The following NRGN variants were observed in gnomAD, a reference collection of about 807,000 sequenced individuals.
NRGN encodes calmodulin-binding protein.
For synonymous variants in NRGN, 47 were observed against 52.8 expected (o/e 0.89, Z 0.47); for missense variants, 82 against 123.0 (o/e 0.67, Z 1.58).
Position 124,740,212 on chromosome 11 carries a change from C to A in NRGN, c.15+113C>A. 1 of 832,146 alleles carries A rather than the reference C, an allele frequency of 1.2e-6. No homozygotes were observed. The highest frequency in any genetic ancestry group is 1.6e-6 in the Non-Finnish European group (1 of 606,706). The allele number at this position is 832,146 out of a possible 1,614,324, so 51.5% of individuals were successfully genotyped here. A position where few individuals can be genotyped will look rare whatever the true frequency, so the allele number is the denominator to read the frequency against. ...GAAGTGGATGCGGAAGACCTAGGAG[C>A]AGAAAGAAAAGGGGTCCTTGCCGAG... is the stretch of plus-strand genomic sequence containing the variant. On this transcript the variant is annotated intron_variant, in intron 1 of 3. Coordinates refer to ENST00000284292, the MANE Select transcript of NRGN (RefSeq NM_006176.3). This position sits in a 1 kb window ranked among gnomAD's most constrained non-coding sequence, Gnocchi z 7.5.
chr11:124,742,040 C>T (rs1289379285), intron 1 of NRGN, among the ~76,000 whole-genome samples: 1 of 152,200 alleles, frequency 6.6e-6, no homozygotes, highest in Non-Finnish European at 1.5e-5. Context: ...TGCACAGGAG[C>T]CTTCCCAAGT....
rs906520068 is a variant in NRGN, at chr11:124,745,921, C to A, written c.*6-44C>A. The A allele has an allele frequency of 1.3e-5, 5 of 375,120 alleles. No individual in the cohort carries two copies. The South Asian group carries it at 4.5e-4, about 34-fold the overall frequency. 23.2% of individuals were successfully genotyped at this position (375,120 alleles called of 1,614,324 possible). ...GCGGATTCCAGGAGCTCACCTGTTT[C>A]TCCCTCTGCATCCTCCCTTCTGCCC... On this transcript the variant is annotated intron_variant, in intron 2 of 3. Coordinates refer to ENST00000284292, the MANE Select transcript of NRGN (RefSeq NM_006176.3). This position sits in a 1 kb window ranked among gnomAD's most constrained non-coding sequence, Gnocchi z 6.4.
chr11:124,744,103 C>T (rs1943990173), intron 1 of NRGN, among the ~76,000 whole-genome samples: 2 of 152,158 alleles, frequency 1.3e-5, no homozygotes, highest in Non-Finnish European at 2.9e-5. Flanking sequence ...TCAATCCCCT[C>T]ACGCCTTCTA....
rs545406334 is a variant in NRGN, at chr11:124,740,550, C to T, written c.15+451C>T. ...CAGGCTGATCCTCATGACCCTCCAA[C>T]GATCGCCTAAGCGCCCTGTGCAGCG... On this transcript the variant is annotated intron_variant, in intron 1 of 3. Transcript: ENST00000284292. The surrounding 1 kb of genome is among the most constrained non-coding windows in gnomAD (Gnocchi z 7.5). 2.0e-5 allele frequency among the ~76,000 whole-genome samples: 3 copies of T among 152,380 alleles called. No individual in the cohort carries two copies. In the East Asian group the frequency reaches 5.8e-4, roughly 29 times the overall value.
chr11:124,745,508 C>T lies in NRGN; in HGVS notation c.21C>T (p.Asn7=), dbSNP rs559809272. The change falls in exon 2 of 4, where the codon AAC becomes AAT. Residue 7 remains asparagine, a synonymous_variant. Transcript: ENST00000284292. This position sits in a 1 kb window ranked among gnomAD's most constrained non-coding sequence, Gnocchi z 6.4. ...CCCCCCTGCTTCGCCCCCAGGAGAA[C>T]GCCTGCTCCAAGCCGGACGACGACA... MDCCTE[N]ACSKPDDDIL... is the part of the protein sequence containing the mutation. 1.9e-6 allele frequency: 3 copies of T among 1,588,192 alleles called. No homozygotes were observed. The East Asian group carries it at 7.0e-5, about 37-fold the overall frequency.
rs898844435 is a variant in NRGN, at chr11:124,740,733, A to T, written c.15+634A>T. 4.6e-5 allele frequency among the ~76,000 whole-genome samples: 7 copies of T among 152,220 alleles called. No homozygotes were observed. Among genetic ancestry groups the T allele is most frequent in the Non-Finnish European group, 8.8e-5 (6 of 68,028 alleles). On this transcript the variant is annotated intron_variant, in intron 1 of 3. Coordinates refer to ENST00000284292, the MANE Select transcript of NRGN (RefSeq NM_006176.3). The surrounding 1 kb of genome is among the most constrained non-coding windows in gnomAD (Gnocchi z 7.5). ...GAGAGCCCTGCTGGCGAGGAAAGGAAGTGTCTGCAATTTGTCAGCGCCCAC... is the reference window on the plus strand; with the variant it reads ...GAGAGCCCTGCTGGCGAGGAAAGGATGTGTCTGCAATTTGTCAGCGCCCAC...
At position 124,745,990 on chromosome 11, in the gene NRGN, A is replaced by C; in HGVS notation, c.*23+8A>C. 6.5e-6 allele frequency: 2 copies of C among 309,952 alleles called. No individual in the cohort carries two copies. Among genetic ancestry groups the C allele is most frequent in the Non-Finnish European group, 5.9e-6 (1 of 169,116 alleles). The allele number at this position is 309,952 out of a possible 1,614,324, so 19.2% of individuals were successfully genotyped here. ...AACTGAGCATTTTCAAAGGTAATGA[A>C]CACGGCCCCTAGGCGGCGGGGTGGG... On this transcript the variant is annotated splice_region_variant and intron_variant, in intron 3 of 3. Coordinates refer to ENST00000284292, the MANE Select transcript of NRGN (RefSeq NM_006176.3). This position sits in a 1 kb window ranked among gnomAD's most constrained non-coding sequence, Gnocchi z 6.4.
chr11:124,745,140 C>T lies in NRGN; in HGVS notation c.16-363C>T, dbSNP rs76677201. ...TACCCTCTGAGAGCAGGGGGACAGG[C>T]GGCCACTCCAGGAGTGCCTGCTGCT... is the stretch of plus-strand genomic sequence containing the variant. On this transcript the variant is annotated intron_variant, in intron 1 of 3. Transcript: ENST00000284292. The surrounding 1 kb of genome is among the most constrained non-coding windows in gnomAD (Gnocchi z 6.4). Among the ~76,000 whole-genome samples, 1 of 152,030 alleles carries T rather than the reference C, an allele frequency of 6.6e-6. No homozygotes were observed. The highest frequency in any genetic ancestry group is 6.5e-5 in the Admixed American group (1 of 15,280).
chr11:124,741,682 T>TG (rs1943967075), intron 1 of NRGN, among the ~76,000 whole-genome samples: 1 of 150,360 alleles, frequency 6.7e-6, no homozygotes, highest in Non-Finnish European at 1.5e-5. Flanking sequence ...GGAAATGAGC[T>TG]GGGGGGAGGG....
At chr11:124,744,289 C>T (rs1315189347) in intron 1 of NRGN, among the ~76,000 whole-genome samples, 1 of 152,206 alleles carries the variant, frequency 6.6e-6, no homozygotes, top group African/African-American at 2.4e-5. Context: ...ATAAAAGCTA[C>T]CATTTATTGA....
intron 1 of NRGN, among the ~76,000 whole-genome samples, chr11:124,744,264 A>G (rs535581498): frequency 1.3e-5 from 2 of 152,358 alleles, no homozygotes; most frequent in South Asian, 4.1e-4. Flanking sequence ...ACTTAATGTT[A>G]TTTTTAAGAC....
At position 124,745,741 on chromosome 11, in the gene NRGN, G is replaced by T. The variant is rs770961283; in HGVS notation, c.*5+12G>T. 15 of 1,280,358 alleles carry T rather than the reference G, an allele frequency of 1.2e-5. No individual in the cohort carries two copies. The highest frequency in any genetic ancestry group is 1.4e-5 in the Non-Finnish European group (14 of 1,004,934). 79.3% of individuals were successfully genotyped at this position (1,280,358 alleles called of 1,614,324 possible). A position where few individuals can be genotyped will look rare whatever the true frequency, so the allele number is the denominator to read the frequency against. Reference sequence around the variant, plus strand: ...GGAGACTAGGCCAGGTGAGGCGGGCGGCGCGCGGCTGGCTGACAGCTGCCC... The same window carrying T: ...GGAGACTAGGCCAGGTGAGGCGGGCTGCGCGCGGCTGGCTGACAGCTGCCC... On this transcript the variant is annotated intron_variant, in intron 2 of 3. Transcript: ENST00000284292. This position sits in a 1 kb window ranked among gnomAD's most constrained non-coding sequence, Gnocchi z 6.4.
rs1565436701 is a variant in NRGN at position 124,740,342 on chromosome 11, A to T, written c.15+243A>T. 6.6e-6 allele frequency among the ~76,000 whole-genome samples: 1 copy of T among 152,244 alleles called. No homozygotes were observed. Among genetic ancestry groups the T allele is most frequent in the Non-Finnish European group, 1.5e-5 (1 of 68,038 alleles). On this transcript the variant is annotated intron_variant, in intron 1 of 3. Transcript: ENST00000284292. This position sits in a 1 kb window ranked among gnomAD's most constrained non-coding sequence, Gnocchi z 7.5. The stretch of plus-strand genomic sequence containing the variant: ...TGAGCGCCCATCCGTTAGACAGCCT[A>T]GGCTGGACTGGGAGCTCGGCAGGGC...
intron 1 of NRGN, among the ~76,000 whole-genome samples, chr11:124,742,935 C>G (rs1378107434): frequency 6.6e-6 from 1 of 152,164 alleles, no homozygotes; most frequent in Non-Finnish European, 1.5e-5. Context: ...GGCTTGGACC[C>G]CACTTTGCTG....
chr11:124,740,040 C>T lies in NRGN; in HGVS notation c.-45C>T. On this transcript the variant is annotated 5_prime_UTR_variant, in exon 1 of 4. Transcript: ENST00000284292. The surrounding 1 kb of genome is among the most constrained non-coding windows in gnomAD (Gnocchi z 7.5). ...CGGCACCACACAGACCCCACCCCCG[C>T]CCTGCGCCAGCCTTCGTCCCCGCAG... 2 of 1,240,498 alleles carry T rather than the reference C, an allele frequency of 1.6e-6. No individual in the cohort carries two copies. Among genetic ancestry groups the T allele is most frequent in the Non-Finnish European group, 2.1e-6 (2 of 963,086 alleles). The allele number at this position is 1,240,498 out of a possible 1,614,324, so 76.8% of individuals were successfully genotyped here.
At position 124,740,686 on chromosome 11, in the gene NRGN, G is replaced by C. The variant is rs575950993; in HGVS notation, c.15+587G>C. ...CCCCCAAGGCCTTCTCGCTCGGAAG[G>C]GGCTGGGTGAAGTGACCGCGAGAGA... On this transcript the variant is annotated intron_variant, in intron 1 of 3. Transcript: ENST00000284292. The surrounding 1 kb of genome is among the most constrained non-coding windows in gnomAD (Gnocchi z 7.5). Among the ~76,000 whole-genome samples the C allele has an allele frequency of 6.6e-6, 1 of 152,372 alleles. No homozygotes were observed. The highest frequency in any genetic ancestry group is 1.9e-4 in the East Asian group (1 of 5,184).
rs187417750 is a variant in NRGN at position 124,741,735 on chromosome 11, G to A, written c.15+1636G>A. ...GGGGAGTATTGCTGGGGAAGGGGAA[G>A]TGGGAGACGTGGTCACTGGAAAGAG... On this transcript the variant is annotated intron_variant, in intron 1 of 3. Coordinates refer to ENST00000284292, the MANE Select transcript of NRGN (RefSeq NM_006176.3). 2.0e-5 allele frequency among the ~76,000 whole-genome samples: 3 copies of A among 152,196 alleles called. No individual in the cohort carries two copies. In the East Asian group the frequency reaches 5.8e-4, roughly 30 times the overall value.
chr11:124,745,831 G>A lies in NRGN; in HGVS notation c.*5+102G>A, dbSNP rs1944005217. 1.8e-6 allele frequency: 1 copy of A among 547,690 alleles called. No homozygotes were observed. The highest frequency in any genetic ancestry group is 2.0e-5 in the African/African-American group (1 of 50,738). The allele number at this position is 547,690 out of a possible 1,614,324, so 33.9% of individuals were successfully genotyped here. A position where few individuals can be genotyped will look rare whatever the true frequency, so the allele number is the denominator to read the frequency against. The stretch of plus-strand genomic sequence containing the variant: ...GGGTTGGAGGTGCAGGGGGCGTGGA[G>A]GGAGCTAAGGGTTGGGGGATAGAAA... On this transcript the variant is annotated intron_variant, in intron 2 of 3. Transcript: ENST00000284292. The surrounding 1 kb of genome is among the most constrained non-coding windows in gnomAD (Gnocchi z 6.4).
Position 124,745,468 on chromosome 11 carries a change from G to A in NRGN, c.16-35G>A, listed in dbSNP as rs777373984. On this transcript the variant is annotated intron_variant, in intron 1 of 3. Transcript: ENST00000284292. The surrounding 1 kb of genome is among the most constrained non-coding windows in gnomAD (Gnocchi z 6.4). ...CCCCACTCCCGCGGATCAAGACCCA[G>A]TGACCCCACAAGAACCCCCCTGCTT... 16 of 1,497,120 alleles carry A rather than the reference G, an allele frequency of 1.1e-5. No individual in the cohort carries two copies. Among genetic ancestry groups the A allele is most frequent in the African/African-American group, 2.9e-5 (2 of 69,246 alleles). 92.7% of individuals were successfully genotyped at this position (1,497,120 alleles called of 1,614,324 possible).
Sources: gnomAD v4.1 joint callset for allele counts (sites outside exome capture counted in the v4.1 genomes callset) on GRCh38, gnomAD v4.1.1 for gene constraint, Gnocchi (gnomAD v3.1) non-coding constraint, MANE v1.5 for transcripts, NCBI Gene and HGNC (gene_info 2026-07-23, HGNC 2026-07-21) for gene names.